The following SLC35E1 variants were observed in gnomAD, a reference collection of about 807,000 sequenced individuals.
The protein encoded by SLC35E1 is solute carrier family 35, member E1.
In SLC35E1, 12 loss-of-function variants were observed where a neutral mutation model predicts 31.0. The ratio of observed to expected loss-of-function variants is 0.39; its 90% CI spans 0.25 to 0.63. The LOEUF (loss-of-function observed/expected upper bound fraction) is 0.63, where lower values mean the gene tolerates loss of function less well. Ranked by LOEUF, SLC35E1 falls within the 20% of genes least tolerant of loss-of-function variation. The pLI is 0.52. For missense variants in SLC35E1, 429 were observed against 572.2 expected, an observed-to-expected ratio of 0.75 and a Z score of 2.55; for synonymous variants, 257 against 264.1, an observed-to-expected ratio of 0.97 and a Z score of 0.26.
chr19:16,571,389 G>T, intron 2 of SLC35E1, 123 bp downstream of exon 2: 1 of 969,784 alleles, frequency 1.0e-6, no homozygotes, highest in Non-Finnish European at 1.7e-6. Flanking sequence ...CCTCTACACT[G>T]ACTTCCCTAT....
chr19:16,570,535 G>A (rs1171338070), intron 2 of SLC35E1, among the ~76,000 whole-genome samples: 1 of 152,180 alleles, frequency 6.6e-6, no homozygotes, highest in Non-Finnish European at 1.5e-5. Context: ...ACGGGATAAA[G>A]CTGTCTCCGG....
At chr19:16,556,762 C>T (rs377409781) in intron 4 of SLC35E1, among the ~76,000 whole-genome samples, 4 of 152,310 alleles carry the variant, frequency 2.6e-5, no homozygotes, top group South Asian at 2.1e-4. Flanking sequence ...CCGTGATTGG[C>T]GGCCCTGCTG....
chr19:16,561,171 G>A lies in SLC35E1; in HGVS notation c.756+5361C>T, dbSNP rs150387364. ...AGAGGTTGCAGCGAGCTGAGATCAC[G>A]CCACTGCGCTCCAGCCTGGGCAACA... On this transcript the variant is annotated intron_variant, in intron 4 of 5. Transcript: ENST00000595753. Among the ~76,000 whole-genome samples the A allele has an allele frequency of 5.0e-3, 597 of 119,066 alleles. 1 individual carries two copies. The highest frequency in any genetic ancestry group is 0.018 in the African/African-American group (547 of 31,192). 78.1% of individuals were successfully genotyped at this position (119,066 alleles called of 152,430 possible). A position where few individuals can be genotyped will look rare whatever the true frequency, so the allele number is the denominator to read the frequency against.
At chr19:16,562,341 G>A (rs909888818) in intron 4 of SLC35E1, among the ~76,000 whole-genome samples, 27 of 152,176 alleles carry the variant, frequency 1.8e-4, no homozygotes, top group Non-Finnish European at 1.0e-4. Context: ...TCGTTATGAA[G>A]AGCTCTCTGG....
At chr19:16,563,682 C>T (rs569239800) in intron 4 of SLC35E1, among the ~76,000 whole-genome samples, 4 of 152,128 alleles carry the variant, frequency 2.6e-5, no homozygotes, top group African/African-American at 7.2e-5. Context: ...GGTTTCCCCA[C>T]GTTGGCCAGG....
intron 4 of SLC35E1, among the ~76,000 whole-genome samples, chr19:16,560,873 A>C (rs796608656): frequency 0.02 from 2,745 of 140,622 alleles, 88 homozygotes; most frequent in Admixed American, 0.049. Flanking sequence ...AAAACAAAAA[A>C]AAAAAACCAA....
rs752186866 is a variant in SLC35E1 at position 16,572,069 on chromosome 19, G to A, written c.296C>T (p.Ser99Phe). 22 of 1,539,090 alleles carry A rather than the reference G, an allele frequency of 1.4e-5. No individual in the cohort carries two copies. In the South Asian group the frequency reaches 2.3e-4, roughly 16 times the overall value. The change falls in exon 1 of 6, where the codon TCC (serine) becomes TTC (phenylalanine). Residue 99 changes from serine to phenylalanine, a missense_variant. Ser to Phe is a radical substitution (Grantham distance 155, BLOSUM62 -2). Coordinates refer to ENST00000595753, the MANE Select transcript of SLC35E1 (RefSeq NM_024881.5). This position sits in a 1 kb window ranked among gnomAD's most constrained non-coding sequence, Gnocchi z 4.1. ...GAAGCGCGGCGGCAGCAGCGGGCCGGACGACGGATGCGGACTGGGTCCGGG... is the reference window on the plus strand; with the variant it reads ...GAAGCGCGGCGGCAGCAGCGGGCCGAACGACGGATGCGGACTGGGTCCGGG... ...SGPGPSPHPSSGPLLPPRFYP... is the reference protein window; with the variant it reads ...SGPGPSPHPSFGPLLPPRFYP...
intron 4 of SLC35E1, among the ~76,000 whole-genome samples, chr19:16,560,588 G>A (rs984159747): frequency 4.6e-5 from 7 of 152,188 alleles, no homozygotes; most frequent in Non-Finnish European, 7.3e-5. Flanking sequence ...ACAGCCGGGC[G>A]TGCCGGCTGG....
At chr19:16,565,816 T>A (rs1160132384) in intron 4 of SLC35E1, 24 of 92,608 alleles carry the variant, frequency 2.6e-4, no homozygotes, top group African/African-American at 1.3e-3. Flanking sequence ...GCGCCCGGCT[T>A]TTTTTTTTTT....
intron 4 of SLC35E1, among the ~76,000 whole-genome samples, chr19:16,558,045 G>T (rs891987238): frequency 1.1e-4 from 17 of 149,924 alleles, no homozygotes; most frequent in Admixed American, 4.0e-4. Flanking sequence ...TTTTTTTTTT[G>T]TTTTTGTTTT....
At chr19:16,570,343 A>AT (rs1227646106) in intron 2 of SLC35E1, among the ~76,000 whole-genome samples, 1 of 152,206 alleles carries the variant, frequency 6.6e-6, no homozygotes, top group Non-Finnish European at 1.5e-5. Flanking sequence ...ACAGGCAGGA[A>AT]TAAAAAAAAA....
chr19:16,555,178 T>C lies in SLC35E1; in HGVS notation c.976A>G (p.Ile326Val). ...TTGTTATAGAGGAAGACCCCCAGGATGGCGGTCATCATGCCCAGGACGTTG... is the reference window on the plus strand; with the variant it reads ...TTGTTATAGAGGAAGACCCCCAGGACGGCGGTCATCATGCCCAGGACGTTG... ...STNVLGMMTA[I>V]LGVFLYNKTK... The change falls in exon 5 of 6, where the codon ATC becomes GTC. Residue 326 changes from isoleucine to valine, a missense_variant. Ile to Val is a conservative substitution (Grantham distance 29, BLOSUM62 3). Coordinates refer to ENST00000595753, the MANE Select transcript of SLC35E1 (RefSeq NM_024881.5). This position sits in a 1 kb window ranked among gnomAD's most constrained non-coding sequence, Gnocchi z 4.1. 2 of 1,614,124 alleles carry C rather than the reference T, an allele frequency of 1.2e-6. No homozygotes were observed. The highest frequency in any genetic ancestry group is 1.7e-6 in the Non-Finnish European group (2 of 1,180,026).
intron 4 of SLC35E1, among the ~76,000 whole-genome samples, chr19:16,559,866 T>C (rs1006139092): frequency 1.3e-5 from 2 of 152,152 alleles, no homozygotes; most frequent in Admixed American, 1.3e-4. Context: ...GTAAACTACG[T>C]AATTTTGGCT....
intron 4 of SLC35E1, among the ~76,000 whole-genome samples, chr19:16,563,028 G>A (rs2085914835): frequency 6.6e-6 from 1 of 152,140 alleles, no homozygotes; most frequent in South Asian, 2.1e-4. Flanking sequence ...AATTTAAAAA[G>A]CTACTTTTTG....
At chr19:16,569,329 C>T (rs1416530660) in intron 2 of SLC35E1, among the ~76,000 whole-genome samples, 1 of 152,186 alleles carries the variant, frequency 6.6e-6, no homozygotes, top group Non-Finnish European at 1.5e-5. Flanking sequence ...AGCCTCTCCA[C>T]CCACTCTGTC....
At chr19:16,563,216 C>T (rs974447112) in intron 4 of SLC35E1, among the ~76,000 whole-genome samples, 11 of 151,806 alleles carry the variant, frequency 7.2e-5, no homozygotes, top group Non-Finnish European at 1.3e-4. Context: ...CCCAGCTACT[C>T]GGGAGGCTGA....
In SLC35E1 at chr19:16,555,228, A is replaced by G. The variant is rs752449991; in HGVS notation, c.926T>C (p.Met309Thr). Residue 309 changes from methionine (M) to threonine (T), a missense_variant, in exon 5 of 6, where the codon ATG becomes ACG. By Grantham distance (81) the Met-to-Thr change is moderately conservative. Transcript: ENST00000595753. This position sits in a 1 kb window ranked among gnomAD's most constrained non-coding sequence, Gnocchi z 4.1. ...RIMVITVSLI[M>T]LRNPVTSTNV... is the part of the protein sequence containing the mutation. ...GGTGCTGGTGACTGGGTTGCGCAGC[A>G]TGATCAGGGACACCGTGATGACCAT... The G allele has an allele frequency of 2.5e-6, 4 of 1,614,192 alleles. No homozygotes were observed. In the Admixed American group the frequency reaches 6.7e-5, roughly 27 times the overall value.
intron 4 of SLC35E1, chr19:16,556,788 T>C (rs892989384): frequency 3.3e-5 from 15 of 459,702 alleles, no homozygotes; most frequent in African/African-American, 6.0e-5. Flanking sequence ...GCAGGATGTC[T>C]ACCTGACTCC....
intron 1 of SLC35E1, 28 bp downstream of exon 1, chr19:16,571,916 C>T: frequency 6.5e-7 from 1 of 1,527,978 alleles, no homozygotes; most frequent in Non-Finnish European, 8.8e-7. Flanking sequence ...GCCCGGCCGC[C>T]GCCCCCGAGG....
Sources: allele counts gnomAD v4.1 joint callset (sites outside exome capture counted in the v4.1 genomes callset), GRCh38; gene constraint gnomAD v4.1.1; non-coding constraint Gnocchi (gnomAD v3.1); transcripts MANE v1.5; gene names NCBI Gene and HGNC (gene_info 2026-07-23, HGNC 2026-07-21).